ZNF626: variants seen among roughly 807,000 people sequenced by gnomAD.
ZNF626 encodes the protein zinc finger protein 626, also known as CTC-513N18.7.
A neutral mutation model predicts 11.7 loss-of-function variants in ZNF626; 4 were observed. That is an observed-to-expected ratio of 0.34 (90% CI 0.17 to 0.78). The LOEUF is 0.78. Among genes scored for constraint, ZNF626 ranks in the 30% least tolerant of loss-of-function variants. The probability of loss-of-function intolerance (pLI) is 0.57; values close to 1 mark genes in which losing one functional copy is unlikely to be tolerated. For synonymous variants in ZNF626, 179 were observed against 198.6 expected, an observed-to-expected ratio of 0.90 and a Z score of 0.83; for missense variants, 588 against 587.1, an observed-to-expected ratio of 1.00 and a Z score of -0.01.
intron 1 of ZNF626, among the ~76,000 whole-genome samples, chr19:20,659,266 G>A (rs1335923293): frequency 6.6e-6 from 1 of 151,554 alleles, no homozygotes; most frequent in African/African-American, 2.4e-5. Context: ...TTGAGATGGA[G>A]TCTCGCTCGG....
chr19:20,647,418 T>C (rs1284001839), intron 1 of ZNF626, among the ~76,000 whole-genome samples: 6 of 151,342 alleles, frequency 4.0e-5, no homozygotes, highest in Non-Finnish European at 8.8e-5. Flanking sequence ...AAAAAATATG[T>C]CCCAGAGATC....
Position 20,628,554 on chromosome 19 carries a change from G to GT in ZNF626, c.227-2905dup, listed in dbSNP as rs1422659715. On this transcript the variant is annotated intron_variant, in intron 3 of 3. Coordinates refer to ENST00000601440, the MANE Select transcript of ZNF626 (RefSeq NM_001076675.3). The stretch of plus-strand genomic sequence containing the variant: ...AGTAATTATCAGCATTTTTTCATCT[G>GT]TTTTTTTGGCTGCATAAATGTCTTC... Among the ~76,000 whole-genome samples the GT allele has an allele frequency of 1.2e-4, 18 of 152,128 alleles. No individual in the cohort carries two copies. In the East Asian group the frequency reaches 2.5e-3, roughly 21 times the overall value.
At chr19:20,645,593 C>T in intron 3 of ZNF626, 91 bp downstream of exon 3, 2 of 1,551,484 alleles carry the variant, frequency 1.3e-6, no homozygotes, top group South Asian at 2.4e-5. Flanking sequence ...GAACACAGCT[C>T]CCCAAATCAC....
intron 3 of ZNF626, chr19:20,645,167 G>A: frequency 1.0e-6 from 1 of 966,534 alleles, no homozygotes; most frequent in Non-Finnish European, 1.3e-6. Context: ...AAATAACAAA[G>A]AGGAAGGATG....
rs1365634923 is a variant in ZNF626 at position 20,661,556 on chromosome 19, G to A, written c.-110C>T. The A allele has an allele frequency of 6.2e-6, 8 of 1,280,458 alleles. No individual in the cohort carries two copies. Among genetic ancestry groups the A allele is most frequent in the Non-Finnish European group, 8.8e-6 (8 of 908,412 alleles). The allele number at this position is 1,280,458 out of a possible 1,614,324, so 79.3% of individuals were successfully genotyped here. On this transcript the variant is annotated 5_prime_UTR_variant, in exon 1 of 4. Coordinates refer to ENST00000601440, the MANE Select transcript of ZNF626 (RefSeq NM_001076675.3). ...GGAGAAGAACCAGACCTGGAGCTCT[G>A]ACTGCAGCGAGAGACAAAGGCCGCA...
At chr19:20,660,875 GGGT>G (rs1970259567) in intron 1 of ZNF626, among the ~76,000 whole-genome samples, 1 of 152,130 alleles carries the variant, frequency 6.6e-6, no homozygotes, top group African/African-American at 2.4e-5. Context: ...AAGGAAAAGG[GGGT>G]AGAAGAAGAG....
rs1434556053 is a variant in ZNF626, at chr19:20,620,219, G to T, written c.*4071C>A. On this transcript the variant is annotated 3_prime_UTR_variant, in exon 4 of 4. Coordinates refer to ENST00000601440, the MANE Select transcript of ZNF626 (RefSeq NM_001076675.3). ...AATACACGGATTCTGGGGAGAATCC[G>T]AGCCATAAGCCATAAAATTTTATAT... is the stretch of plus-strand genomic sequence containing the variant. 2.0e-5 allele frequency: 3 copies of T among 152,074 alleles called. No individual in the cohort carries two copies. Among genetic ancestry groups the T allele is most frequent in the African/African-American group, 7.2e-5 (3 of 41,420 alleles). The allele number at this position is 152,074 out of a possible 1,614,324, so 9.4% of individuals were successfully genotyped here.
chr19:20,655,478 G>C (rs1970194794), intron 1 of ZNF626, among the ~76,000 whole-genome samples: 1 of 152,054 alleles, frequency 6.6e-6, no homozygotes, highest in South Asian at 2.1e-4. Flanking sequence ...AAACTTTTCG[G>C]AACCAAAAAC....
intron 1 of ZNF626, among the ~76,000 whole-genome samples, chr19:20,650,109 G>C (rs1332706447): frequency 6.6e-6 from 1 of 152,188 alleles, no homozygotes; most frequent in African/African-American, 2.4e-5. Flanking sequence ...AGAGCACTGT[G>C]CTGGGCGTAA....
chr19:20,645,773 G>C lies in ZNF626; in HGVS notation c.137C>G (p.Thr46Ser). Residue 46 changes from threonine (T) to serine (S), a missense_variant, in exon 3 of 4, where the codon ACT becomes AGT. By Grantham distance (58) the Thr-to-Ser change is moderately conservative. Around this residue, in one of 4 missense-constraint regions of ZNF626, gnomAD observed 524 missense variants for 470.1 expected, o/e 1.11. Coordinates refer to ENST00000601440, the MANE Select transcript of ZNF626 (RefSeq NM_001076675.3). ...NYSNLVFLGI[T>S]VSKPDLITCL... The stretch of plus-strand genomic sequence containing the variant: ...GGTGATCAGGTCTGGCTTAGAAACA[G>C]TAATACCTGTTTTATTAAAAATAAA... 6.2e-7 allele frequency: 1 copy of C among 1,601,266 alleles called. No homozygotes were observed. The highest frequency in any genetic ancestry group is 1.1e-5 in the South Asian group (1 of 88,264).
intron 1 of ZNF626, among the ~76,000 whole-genome samples, chr19:20,658,668 T>C (rs1229422590): frequency 7.2e-5 from 11 of 152,184 alleles, no homozygotes; most frequent in African/African-American, 2.2e-4. Context: ...ATATCTTTTT[T>C]CTGGCACCAA....
At chr19:20,628,394 C>A (rs1348776876) in intron 3 of ZNF626, among the ~76,000 whole-genome samples, 1 of 152,090 alleles carries the variant, frequency 6.6e-6, no homozygotes, top group Non-Finnish European at 1.5e-5. Context: ...ACAGTCCCAC[C>A]AACAGTGTAA....
chr19:20,650,116 G>GT (rs1418298074), intron 1 of ZNF626, among the ~76,000 whole-genome samples: 20 of 152,062 alleles, frequency 1.3e-4, no homozygotes, highest in African/African-American at 4.6e-4. Context: ...TGTGCTGGGC[G>GT]TAACATATTA....
At chr19:20,625,961 G>T (rs2162997) in intron 3 of ZNF626, among the ~76,000 whole-genome samples, 84,162 of 151,830 alleles carry the variant, frequency 0.55, 25,404 homozygotes, top group East Asian at 0.73. Context: ...ATAACATTGT[G>T]CCTTTAAAAG....
At chr19:20,655,376 C>T (rs1484656156) in intron 1 of ZNF626, among the ~76,000 whole-genome samples, 2 of 152,156 alleles carry the variant, frequency 1.3e-5, no homozygotes, top group Admixed American at 6.5e-5. Flanking sequence ...ACCTTTACTC[C>T]TATCTTTGTG....
At chr19:20,655,891 C>T (rs137953778) in intron 1 of ZNF626, among the ~76,000 whole-genome samples, 2,685 of 151,310 alleles carry the variant, frequency 0.018, 73 homozygotes, top group African/African-American at 0.062. Context: ...GCCGAGATCG[C>T]GCCACTGCAC....
At chr19:20,642,231 A>C (rs1398247653) in intron 3 of ZNF626, among the ~76,000 whole-genome samples, 2 of 152,252 alleles carry the variant, frequency 1.3e-5, no homozygotes, top group Non-Finnish European at 2.9e-5. Context: ...CTTAAAGTGT[A>C]CAAACAGAAT....
At chr19:20,639,250 C>T (rs1315922132) in intron 3 of ZNF626, among the ~76,000 whole-genome samples, 1 of 151,912 alleles carries the variant, frequency 6.6e-6, no homozygotes. Flanking sequence ...ACATGTCCCA[C>T]CAGGTCCTAC....
rs902956290 is a variant in ZNF626 at position 20,624,234 on chromosome 19, A to G, written c.*56T>C. On this transcript the variant is annotated 3_prime_UTR_variant, in exon 4 of 4. Coordinates refer to ENST00000601440, the MANE Select transcript of ZNF626 (RefSeq NM_001076675.3). ...TCTTATGTGTAGTAAGGTTAGAGAA[A>G]TGCTTAAAAGCTTTGTCACATTCTT... 7.5e-6 allele frequency: 12 copies of G among 1,607,582 alleles called. No individual in the cohort carries two copies. In the African/African-American group the frequency reaches 1.5e-4, roughly 20 times the overall value.
Sources: allele counts gnomAD v4.1 joint callset (sites outside exome capture counted in the v4.1 genomes callset), GRCh38; gene constraint gnomAD v4.1.1; regional missense constraint gnomAD v4.1.1; transcripts MANE v1.5; gene names NCBI Gene and HGNC (gene_info 2026-07-23, HGNC 2026-07-21).